MRAP2: variants seen among roughly 807,000 people sequenced by gnomAD.
MRAP2 encodes the protein melanocortin 2 receptor accessory protein 2.
A neutral mutation model predicts 17.4 loss-of-function variants in MRAP2; 20 were observed. The observed-to-expected ratio is 1.15, with a 90% CI of 0.81 to 1.67. The LOEUF is 1.67. Among genes scored for constraint, MRAP2 ranks in the 40% most tolerant of loss-of-function variants. The pLI is 0.00. For missense variants in MRAP2, 238 were observed against 240.0 expected, an observed-to-expected ratio of 0.99 and a Z score of 0.05; for synonymous variants, 96 against 88.4, an observed-to-expected ratio of 1.09 and a Z score of -0.48.
chr6:84,118,524 C>G, the MRAP2 span, among the ~76,000 whole-genome samples: 1 of 152,168 alleles, frequency 6.6e-6, no homozygotes, highest in South Asian at 2.1e-4. Context: ...AGTCTGACCA[C>G]ATTCTGGCAA....
intron 2 of MRAP2, chr6:84,062,619 G>GCTCT (rs1455548627): frequency 2.0e-6 from 2 of 984,996 alleles, no homozygotes; most frequent in African/African-American, 3.5e-5. Context: ...GATAACCTAT[G>GCTCT]CTCTGGTCTA....
At chr6:84,051,933 G>C (rs886585243) in intron 1 of MRAP2, among the ~76,000 whole-genome samples, 1 of 152,130 alleles carries the variant, frequency 6.6e-6, no homozygotes, top group Non-Finnish European at 1.5e-5. Context: ...CCAACAATGG[G>C]CTGGCCTGGG....
At chr6:84,044,004 TA>T (rs2099488340) in intron 1 of MRAP2, among the ~76,000 whole-genome samples, 1 of 149,676 alleles carries the variant, frequency 6.7e-6, no homozygotes, top group Admixed American at 6.6e-5. Context: ...TATTTTTTTT[TA>T]GTTATAGTTA....
the MRAP2 span, among the ~76,000 whole-genome samples, chr6:84,118,679 C>G: frequency 2.6e-5 from 4 of 152,082 alleles, no homozygotes; most frequent in African/African-American, 7.3e-5. Context: ...CAGGCAGGCT[C>G]TACCCTGTTG....
the MRAP2 span, among the ~76,000 whole-genome samples, chr6:84,111,117 AT>A: frequency 4.0e-5 from 6 of 151,114 alleles, no homozygotes; most frequent in East Asian, 1.9e-4. Flanking sequence ...AATTTAAAGT[AT>A]TTTTTTTTCC....
intron 3 of MRAP2, among the ~76,000 whole-genome samples, chr6:84,085,059 T>C (rs1035546148): frequency 6.6e-6 from 1 of 151,680 alleles, no homozygotes; most frequent in African/African-American, 2.4e-5. Context: ...TAACTCATCA[T>C]TTTTTTATTT....
intron 1 of MRAP2, among the ~76,000 whole-genome samples, chr6:84,052,188 G>A (rs936089847): frequency 1.3e-5 from 2 of 152,114 alleles, no homozygotes; most frequent in African/African-American, 2.4e-5. Flanking sequence ...GGTGCGGAGA[G>A]GGTGGTTCTC....
At chr6:84,069,072 C>A (rs767273790) in intron 3 of MRAP2, among the ~76,000 whole-genome samples, 2 of 151,930 alleles carry the variant, frequency 1.3e-5, no homozygotes, top group African/African-American at 4.8e-5. Context: ...TCCTCTTTAC[C>A]GATTTGGATG....
chr6:84,097,539 T>G, the MRAP2 span, among the ~76,000 whole-genome samples: 1 of 152,172 alleles, frequency 6.6e-6, no homozygotes, highest in Non-Finnish European at 1.5e-5. Flanking sequence ...AGAATACCTG[T>G]TTGATCCTTC....
chr6:84,115,143 G>C, the MRAP2 span, among the ~76,000 whole-genome samples: 1 of 152,284 alleles, frequency 6.6e-6, no homozygotes, highest in South Asian at 2.1e-4. Flanking sequence ...TGTCAGGGAG[G>C]GACATTTAAG....
Position 84,034,527 on chromosome 6 carries a change from C to CGTGCCCG in MRAP2, c.-8+649_-8+650insCGGTGCC, listed in dbSNP as rs1353015339. 6.6e-4 allele frequency among the ~76,000 whole-genome samples: 98 copies of CGTGCCCG among 147,394 alleles called. 1 individual carries two copies. The highest frequency in any genetic ancestry group is 2.4e-3 in the African/African-American group (95 of 39,348). On this transcript the variant is annotated intron_variant, in intron 1 of 3. Transcript: ENST00000257776. ...CCCGCCCGCCCCGCGCCCCGTGCCC[C>CGTGCCCG]GTGCCTTTCCCATCCTTTCTGTGTA...
At chr6:84,138,218 TTAAA>T in the MRAP2 span, among the ~76,000 whole-genome samples, 1 of 152,182 alleles carries the variant, frequency 6.6e-6, no homozygotes, top group Non-Finnish European at 1.5e-5. Context: ...GACTCCTCCT[TTAAA>T]TAACTAGAAA....
the MRAP2 span, among the ~76,000 whole-genome samples, chr6:84,143,599 A>G: frequency 6.6e-6 from 1 of 152,004 alleles, no homozygotes; most frequent in Non-Finnish European, 1.5e-5. Context: ...GAACAAAAAA[A>G]TGAATGAATG....
At chr6:84,081,355 G>A (rs2099498938) in intron 3 of MRAP2, among the ~76,000 whole-genome samples, 1 of 152,252 alleles carries the variant, frequency 6.6e-6, no homozygotes, top group South Asian at 2.1e-4. Context: ...ATAAGGTGTC[G>A]GTATGTTTTG....
At chr6:84,048,746 C>T (rs1283242393) in intron 1 of MRAP2, among the ~76,000 whole-genome samples, 2 of 152,200 alleles carry the variant, frequency 1.3e-5, no homozygotes, top group Non-Finnish European at 2.9e-5. Flanking sequence ...CTACATTCAC[C>T]AGCTAATCTT....
the MRAP2 span, among the ~76,000 whole-genome samples, chr6:84,099,181 C>CTT: frequency 3.4e-3 from 400 of 117,384 alleles, 2 homozygotes; most frequent in Non-Finnish European, 4.8e-3. Context: ...AGATCCTTTT[C>CTT]TTTTTTTTTT....
chr6:84,052,442 A>G (rs539612177), intron 1 of MRAP2, among the ~76,000 whole-genome samples: 2 of 152,284 alleles, frequency 1.3e-5, no homozygotes, highest in Admixed American at 6.5e-5. Context: ...TTGGAGAGTC[A>G]TTGCTGGGCT....
the MRAP2 span, among the ~76,000 whole-genome samples, chr6:84,122,664 G>A: frequency 3.3e-5 from 5 of 151,998 alleles, no homozygotes; most frequent in Non-Finnish European, 7.4e-5. Flanking sequence ...CCTAAGAACT[G>A]GAAAAAAGAC....
At chr6:84,113,629 G>T in the MRAP2 span, among the ~76,000 whole-genome samples, 13,077 of 152,126 alleles carry the variant, frequency 0.086, 1,423 homozygotes, top group African/African-American at 0.26. Flanking sequence ...CTGTCATTAT[G>T]ATCCTAGCTG....
Sources: allele counts gnomAD v4.1 joint callset (sites outside exome capture counted in the v4.1 genomes callset), GRCh38; gene constraint gnomAD v4.1.1; transcripts MANE v1.5; gene names NCBI Gene and HGNC (gene_info 2026-07-23, HGNC 2026-07-21).